The following FSIP2 variants were observed in gnomAD, a reference collection of about 807,000 sequenced individuals.
FSIP2 encodes fibrous sheath interacting protein 2.
FSIP2 carries 367 observed loss-of-function variants against 510.5 expected under a neutral mutation model. The ratio of observed to expected loss-of-function variants is 0.72; its 90% CI spans 0.66 to 0.78. The LOEUF (loss-of-function observed/expected upper bound fraction) is 0.78, where lower values mean the gene tolerates loss of function less well. Ranked by LOEUF, FSIP2 falls within the 30% of genes least tolerant of loss-of-function variation. The probability of loss-of-function intolerance (pLI) is 0.00; values close to 1 mark genes in which losing one functional copy is unlikely to be tolerated. For missense variants in FSIP2, 7,594 were observed against 7,901.7 expected (o/e 0.96, Z 1.48); for synonymous variants, 2,601 against 2,732.2 (o/e 0.95, Z 1.50).
At chr2:185,742,115 A>C (rs1324787134) in intron 2 of FSIP2, among the ~76,000 whole-genome samples, 1 of 152,204 alleles carries the variant, frequency 6.6e-6, no homozygotes, top group Non-Finnish European at 1.5e-5. Flanking sequence ...TGCCTGATTT[A>C]ACATATTTTG....
chr2:185,789,208 A>AG lies in FSIP2; in HGVS notation c.2072_2073insG (p.Asn691LysfsTer5), dbSNP rs1228882466. 2.0e-6 allele frequency: 3 copies of AG among 1,534,426 alleles called. No individual in the cohort carries two copies. In the South Asian group the frequency reaches 3.6e-5, roughly 18 times the overall value. ...ATGGATGAAATGAAGAATTTAAAAA[A>AG]TGTTTTTGTTAACTTTAAATGTTAC... On this transcript the variant is annotated frameshift_variant, in exon 16 of 23. Transcript: ENST00000424728. LOFTEE classifies it high-confidence loss of function.
At chr2:185,779,910 G>A (rs1692805939) in intron 13 of FSIP2, among the ~76,000 whole-genome samples, 1 of 150,582 alleles carries the variant, frequency 6.6e-6, no homozygotes, top group African/African-American at 2.4e-5. Context: ...AAGGGTATGA[G>A]TAAGTTTCAG....
At chr2:185,814,444 C>T (rs370458280) in intron 18 of FSIP2, among the ~76,000 whole-genome samples, 11 of 152,134 alleles carry the variant, frequency 7.2e-5, no homozygotes, top group South Asian at 4.1e-4. Flanking sequence ...ATAAGATCCA[C>T]GGAAATTCAG....
chr2:185,780,996 C>T (rs150200987), intron 13 of FSIP2, among the ~76,000 whole-genome samples: 9 of 151,760 alleles, frequency 5.9e-5, no homozygotes, highest in African/African-American at 2.2e-4. Flanking sequence ...TTATCTTCTC[C>T]TCCTCCTTCT....
At chr2:185,785,559 T>G (rs1348044426) in intron 14 of FSIP2, among the ~76,000 whole-genome samples, 4 of 144,012 alleles carry the variant, frequency 2.8e-5, no homozygotes, top group African/African-American at 1.0e-4. Flanking sequence ...GACTTCAGTT[T>G]TAGATTTTAA....
At chr2:185,756,413 C>T (rs1009862682) in intron 9 of FSIP2, 135 bp downstream of exon 9, 28 of 408,258 alleles carry the variant, frequency 6.9e-5, no homozygotes, top group Middle Eastern at 4.2e-4. Flanking sequence ...TTTTGAGTGA[C>T]GCTTATCAAG....
At chr2:185,787,231 A>G (rs1387136394) in intron 15 of FSIP2, among the ~76,000 whole-genome samples, 2 of 105,052 alleles carry the variant, frequency 1.9e-5, no homozygotes. Flanking sequence ...ATTTTACAAC[A>G]TAAGATTGTC....
chr2:185,772,810 C>A (rs1692631589), intron 13 of FSIP2, among the ~76,000 whole-genome samples: 2 of 150,236 alleles, frequency 1.3e-5, no homozygotes, highest in Admixed American at 6.7e-5. Context: ...CTTTTCCTCC[C>A]CTCCCCTCCT....
At position 185,808,496 on chromosome 2, in the gene FSIP2, G is replaced by A. The variant is rs766337007; in HGVS notation, c.19190G>A (p.Ser6397Asn). 1.2e-6 allele frequency: 2 copies of A among 1,609,224 alleles called. No homozygotes were observed. The highest frequency in any genetic ancestry group is 3.4e-5 in the Admixed American group (2 of 59,178). Residue 6397 changes from serine (S) to asparagine (N), a missense_variant, in exon 17 of 23, where the codon AGC becomes AAC. Physicochemically the swap from Ser to Asn is conservative, Grantham distance 46. Transcript: ENST00000424728. ...GTAACAGCTGAAATTTCCAGAAGTA[G>A]CATTAGTCTAATAGCTTCTGATCCT... Reference protein sequence around the residue: ...KLVTAEISRSSISLIASDPEE... With the variant: ...KLVTAEISRSNISLIASDPEE...
chr2:185,788,510 T>C (rs1693040815), intron 15 of FSIP2, 133 bp from the exon 16 acceptor site: 2 of 551,004 alleles, frequency 3.6e-6, no homozygotes, highest in Non-Finnish European at 6.0e-6. Context: ...ATTTCTTTAC[T>C]ATTTTCTTTC....
intron 7 of FSIP2, among the ~76,000 whole-genome samples, chr2:185,749,554 T>C (rs1692102583): frequency 6.6e-6 from 1 of 151,948 alleles, no homozygotes; most frequent in Admixed American, 6.6e-5. Context: ...TAGATGCCAA[T>C]TAATAGTTTA....
In FSIP2 at chr2:185,793,730, T is replaced by TC; in HGVS notation, c.6595dup (p.Gln2199ProfsTer5). 1 of 1,534,504 alleles carries TC rather than the reference T, an allele frequency of 6.5e-7. No individual in the cohort carries two copies. The highest frequency in any genetic ancestry group is 8.7e-7 in the Non-Finnish European group (1 of 1,145,788). ...GTGATACGTTTCCAAAAATAGACTG[T>TC]CAACAGCCTCTTAAGGGGTCAAAAA... On this transcript the variant is annotated frameshift_variant, in exon 16 of 23. Coordinates refer to ENST00000424728, the MANE Select transcript of FSIP2 (RefSeq NM_173651.4). LOFTEE classifies it high-confidence loss of function.
rs769855619 is a variant in FSIP2, at chr2:185,797,035, T to C, written c.9899T>C (p.Leu3300Pro). The C allele has an allele frequency of 1.3e-6, 2 of 1,535,220 alleles. No homozygotes were observed. The highest frequency in any genetic ancestry group is 1.7e-6 in the Non-Finnish European group (2 of 1,146,294). Reference protein sequence around the residue: ...SFIEMGKGENLRVFHYENLKP... With the variant: ...SFIEMGKGENPRVFHYENLKP... ...ATAGAAATGGGAAAAGGTGAAAATC[T>C]AAGAGTGTTTCATTATGAGAACCTA... The change falls in exon 16 of 23, where the codon CTA (leucine) becomes CCA (proline). Residue 3300 changes from leucine to proline, a missense_variant. Physicochemically the swap from Leu to Pro is moderately conservative, Grantham distance 98. Transcript: ENST00000424728.
intron 13 of FSIP2, chr2:185,766,079 G>A (rs1189770943): frequency 6.6e-6 from 1 of 152,050 alleles, no homozygotes; most frequent in Non-Finnish European, 1.5e-5. Context: ...ATACAGTCAT[G>A]TCGTCTGCAA....
At chr2:185,811,142 T>A (rs568315379) in intron 17 of FSIP2, among the ~76,000 whole-genome samples, 4 of 152,154 alleles carry the variant, frequency 2.6e-5, no homozygotes, top group Non-Finnish European at 5.9e-5. Context: ...AAATTTGGAA[T>A]TTATATTTCA....
In FSIP2 at chr2:185,753,841, T is replaced by G. The variant is rs1016681783; in HGVS notation, c.990T>G (p.His330Gln). The G allele has an allele frequency of 6.9e-7, 1 of 1,456,628 alleles. No individual in the cohort carries two copies. The highest frequency in any genetic ancestry group is 9.0e-7 in the Non-Finnish European group (1 of 1,111,332). 90.2% of individuals were successfully genotyped at this position (1,456,628 alleles called of 1,614,324 possible). The change falls in exon 8 of 23, where the codon CAT (histidine) becomes CAG (glutamine). Residue 330 changes from histidine (H) to glutamine (Q), a missense_variant and splice_region_variant. His to Gln is a conservative substitution (Grantham distance 24). Coordinates refer to ENST00000424728, the MANE Select transcript of FSIP2 (RefSeq NM_173651.4). ...TFKYRGQDGTHASPKNKKKTS... is the reference protein window; with the variant it reads ...TFKYRGQDGTQASPKNKKKTS... ...AATACAGAGGTCAAGATGGAACACA[T>G]GGTGAATGTGAGAACATTAAAAGAT...
intron 13 of FSIP2, chr2:185,766,316 TG>T (rs1692478904): frequency 6.7e-6 from 1 of 150,050 alleles, no homozygotes; most frequent in Non-Finnish European, 1.5e-5. Flanking sequence ...AATTGACAAA[TG>T]GGATCTAATT....
At chr2:185,759,697 A>C (rs1460162508) in intron 9 of FSIP2, among the ~76,000 whole-genome samples, 1 of 147,554 alleles carries the variant, frequency 6.8e-6, no homozygotes, top group Non-Finnish European at 1.5e-5. Flanking sequence ...TTTTGTTTAT[A>C]ATTCTTGCAT....
rs1435207971 is a variant in FSIP2 at position 185,796,139 on chromosome 2, G to A, written c.9003G>A (p.Glu3001=). The A allele has an allele frequency of 1.3e-6, 2 of 1,534,198 alleles. No homozygotes were observed. The highest frequency in any genetic ancestry group is 2.7e-5 in the African/African-American group (2 of 72,870). Residue 3001 remains glutamate (E), a synonymous_variant, in exon 16 of 23, where the codon GAG becomes GAA. Transcript: ENST00000424728. ...EIVETVLNML[E]SFVDLQFKHI... is the part of the protein sequence containing the mutation. ...TAGAAACGGTTTTAAACATGTTAGAGTCATTTGTGGACTTGCAGTTTAAAC... is the reference window on the plus strand; with the variant it reads ...TAGAAACGGTTTTAAACATGTTAGAATCATTTGTGGACTTGCAGTTTAAAC...
Sources: gnomAD v4.1 joint callset for allele counts (sites outside exome capture counted in the v4.1 genomes callset) on GRCh38, gnomAD v4.1.1 for gene constraint, MANE v1.5 for transcripts, NCBI Gene and HGNC (gene_info 2026-07-23, HGNC 2026-07-21) for gene names.